FBXO31: variants seen among roughly 807,000 people sequenced by gnomAD.
FBXO31 encodes the protein F-box only protein 31.
Under a neutral mutation model 54.4 loss-of-function variants are expected in FBXO31, and 24 were observed. The observed-to-expected ratio is 0.44, with a 90% CI of 0.32 to 0.62. FBXO31 has a LOEUF of 0.62. Among genes scored for constraint, FBXO31 ranks in the 20% least tolerant of loss-of-function variants. The pLI, the probability that FBXO31 is intolerant of heterozygous loss-of-function variation, is 0.05. For missense variants in FBXO31, 665 were observed against 787.1 expected (o/e 0.84, Z 1.86); for synonymous variants, 388 against 335.6 (o/e 1.16, Z -1.71).
rs372924337 is a variant in FBXO31 at position 87,336,274 on chromosome 16, G to T, written c.733-10C>A. ...GCCACGTCCGAAACTCCTTCCAAAAGAACACAGGTCATGAATATCCATATG... is the reference window on the plus strand; with the variant it reads ...GCCACGTCCGAAACTCCTTCCAAAATAACACAGGTCATGAATATCCATATG... On this transcript the variant is annotated splice_polypyrimidine_tract_variant and intron_variant, in intron 5 of 8. Transcript: ENST00000311635. This position sits in a 1 kb window ranked among gnomAD's most constrained non-coding sequence, Gnocchi z 6.5. 18 of 1,612,688 alleles carry T rather than the reference G, an allele frequency of 1.1e-5. No homozygotes were observed. The Middle Eastern group carries it at 4.9e-4, about 44-fold the overall frequency.
At chr16:87,391,126 G>T (rs1907527327), upstream of FBXO31, among the ~76,000 whole-genome samples, 2 of 152,150 alleles carry the variant, frequency 1.3e-5, no homozygotes, top group Admixed American at 1.3e-4. Context: ...CGAGGCGGGA[G>T]GGTTGCTTGA....
At chr16:87,376,807 CCT>C (rs1906843468) in intron 1 of FBXO31, among the ~76,000 whole-genome samples, 1 of 152,210 alleles carries the variant, frequency 6.6e-6, no homozygotes, top group Admixed American at 6.5e-5. Flanking sequence ...TGGGGCCAGC[CCT>C]GTTTCTCACT....
intron 2 of FBXO31, among the ~76,000 whole-genome samples, chr16:87,351,680 C>T (rs962153188): frequency 1.3e-5 from 2 of 152,032 alleles, no homozygotes; most frequent in African/African-American, 4.8e-5. Flanking sequence ...ACCAGCCTGG[C>T]CAACATGGTG....
chr16:87,390,437 T>A (rs1021849222), upstream of FBXO31, among the ~76,000 whole-genome samples: 2 of 151,958 alleles, frequency 1.3e-5, no homozygotes, highest in Admixed American at 1.3e-4. Flanking sequence ...TTGAGAAATA[T>A]ATTTTCTTTC....
At chr16:87,391,251 G>T (rs1459590582), upstream of FBXO31, among the ~76,000 whole-genome samples, 2 of 152,116 alleles carry the variant, frequency 1.3e-5, no homozygotes, top group African/African-American at 2.4e-5. Flanking sequence ...AGGCCGCCGC[G>T]AGCTATGATC....
rs1904742994 is a variant in FBXO31, at chr16:87,328,936, T to C, written c.*2352A>G. On this transcript the variant is annotated 3_prime_UTR_variant, in exon 9 of 9. Coordinates refer to ENST00000311635, the MANE Select transcript of FBXO31 (RefSeq NM_024735.5). ...TGCCCTTAGGCCTCTGATGACGACA[T>C]CAGCCCTTCCGAGTTCTCACCTGCA... 1 of 152,214 alleles carries C rather than the reference T, an allele frequency of 6.6e-6. No homozygotes were observed. Among genetic ancestry groups the C allele is most frequent in the African/African-American group, 2.4e-5 (1 of 41,456 alleles). The allele number at this position is 152,214 out of a possible 1,614,324, so 9.4% of individuals were successfully genotyped here.
chr16:87,332,127 T>C (rs1183447325), intron 8 of FBXO31, among the ~76,000 whole-genome samples: 1 of 152,086 alleles, frequency 6.6e-6, no homozygotes, highest in African/African-American at 2.4e-5. Context: ...CCACTGAGGC[T>C]CCAAAGGCCG....
intron 2 of FBXO31, among the ~76,000 whole-genome samples, chr16:87,348,994 C>T (rs893169654): frequency 6.6e-6 from 1 of 152,206 alleles, no homozygotes; most frequent in Non-Finnish European, 1.5e-5. Flanking sequence ...AGTCCACTCA[C>T]AGCTTTACAA....
At chr16:87,376,029 T>C (rs1049426217) in intron 1 of FBXO31, among the ~76,000 whole-genome samples, 1 of 152,170 alleles carries the variant, frequency 6.6e-6, no homozygotes, top group African/African-American at 2.4e-5. Flanking sequence ...AGCTTCTCAC[T>C]GACCAAACAT....
At chr16:87,372,255 T>C (rs1414980093) in intron 1 of FBXO31, among the ~76,000 whole-genome samples, 1 of 152,200 alleles carries the variant, frequency 6.6e-6, no homozygotes, top group Admixed American at 6.5e-5. Context: ...TTTTCCTTTA[T>C]TCTCCTTGTG....
At position 87,365,017 on chromosome 16, in the gene FBXO31, A is replaced by ATATATATATG. The variant is rs1206460806; in HGVS notation, c.341-4652_341-4651insCATATATATA. Among the ~76,000 whole-genome samples, 5 of 59,658 alleles carry ATATATATATG rather than the reference A, an allele frequency of 8.4e-5. 2 individuals are homozygous for ATATATATATG. Among genetic ancestry groups the ATATATATATG allele is most frequent in the Non-Finnish European group, 1.3e-4 (3 of 23,052 alleles). The allele number at this position is 59,658 out of a possible 152,430, so 39.1% of individuals were successfully genotyped here. On this transcript the variant is annotated intron_variant, in intron 1 of 8. Transcript: ENST00000311635. ...GCGAGACCCCGTCTCTTAAATATAT[A>ATATATATATG]TATATATATATATATATATATATCA...
chr16:87,350,501 A>G lies in FBXO31; in HGVS notation c.413-3251T>C, dbSNP rs1391578855. Among the ~76,000 whole-genome samples, 3 of 152,224 alleles carry G rather than the reference A, an allele frequency of 2.0e-5. No individual in the cohort carries two copies. The East Asian group carries it at 5.8e-4, about 29-fold the overall frequency. On this transcript the variant is annotated intron_variant, in intron 2 of 8. Coordinates refer to ENST00000311635, the MANE Select transcript of FBXO31 (RefSeq NM_024735.5). ...GTCACACCTAGACGGGTGTGTGATC[A>G]GGAACCATAAACACACACTGATCTT...
At chr16:87,385,240 T>C (rs1003438401), upstream of FBXO31, among the ~76,000 whole-genome samples, 1 of 151,698 alleles carries the variant, frequency 6.6e-6, no homozygotes, top group African/African-American at 2.4e-5. Context: ...GGGCAGATCA[T>C]GAGGTCAGGA....
chr16:87,389,235 C>T (rs1907431988), intron 1 of FBXO31, among the ~76,000 whole-genome samples: 1 of 152,158 alleles, frequency 6.6e-6, no homozygotes, highest in Non-Finnish European at 1.5e-5. Flanking sequence ...AAACCCCAAT[C>T]ATTTTGGATT....
At chr16:87,356,722 T>C (rs1454974020) in intron 2 of FBXO31, among the ~76,000 whole-genome samples, 2 of 152,182 alleles carry the variant, frequency 1.3e-5, no homozygotes, top group Non-Finnish European at 2.9e-5. Flanking sequence ...CTTTCTGCTT[T>C]CAGTTGGTGT....
upstream of FBXO31, chr16:87,383,967 G>A (rs1385344258): frequency 8.0e-6 from 2 of 251,168 alleles, no homozygotes; most frequent in Middle Eastern, 1.2e-3. The surrounding 1 kb of genome is among the most constrained non-coding windows in gnomAD (Gnocchi z 4.9). Context: ...TGAGGGCGCC[G>A]CCCGTGACGG....
intron 7 of FBXO31, among the ~76,000 whole-genome samples, chr16:87,334,714 G>A (rs1597357645): frequency 1.3e-5 from 2 of 152,368 alleles, no homozygotes; most frequent in African/African-American, 4.8e-5. Flanking sequence ...CTGATCCCTG[G>A]AGGCTCGGGG....
At chr16:87,376,640 C>G (rs1365160975) in intron 1 of FBXO31, among the ~76,000 whole-genome samples, 1 of 152,184 alleles carries the variant, frequency 6.6e-6, no homozygotes, top group Non-Finnish European at 1.5e-5. Context: ...AGAAAGCAGA[C>G]AAGTTGAAAC....
intron 4 of FBXO31, 38 bp from the exon 5 acceptor site, chr16:87,342,989 G>A: frequency 6.4e-7 from 1 of 1,558,358 alleles, no homozygotes; most frequent in Non-Finnish European, 8.7e-7. Context: ...GAAGAGTGAG[G>A]AACAGAGTCC....
Sources: allele counts gnomAD v4.1 joint callset (sites outside exome capture counted in the v4.1 genomes callset), GRCh38; gene constraint gnomAD v4.1.1; non-coding constraint Gnocchi (gnomAD v3.1); transcripts MANE v1.5; gene names NCBI Gene and HGNC (gene_info 2026-07-23, HGNC 2026-07-21).